The following KCNQ1 variants were observed in gnomAD, a reference collection of about 807,000 sequenced individuals.
KCNQ1 encodes the protein potassium voltage-gated channel subfamily KQT member 1.
A neutral mutation model predicts 72.4 loss-of-function variants in KCNQ1; 49 were observed. That is an observed-to-expected ratio of 0.68 (90% CI 0.54 to 0.86). The LOEUF (loss-of-function observed/expected upper bound fraction) is 0.86, where lower values mean the gene tolerates loss of function less well. Ranked by LOEUF, KCNQ1 falls within the 40% of genes least tolerant of loss-of-function variation. The probability of loss-of-function intolerance (pLI) is 0.00; values close to 1 mark genes in which losing one functional copy is unlikely to be tolerated. For synonymous variants in KCNQ1, 450 were observed against 412.6 expected (o/e 1.09, Z -1.10); for missense variants, 790 against 945.1 (o/e 0.84, Z 2.15).
chr11:2,505,433 C>A (rs59732535), intron 1 of KCNQ1, among the ~76,000 whole-genome samples: 24,748 of 152,088 alleles, frequency 0.16, 3,557 homozygotes, highest in African/African-American at 0.37. Flanking sequence ...ACTTGGGATG[C>A]ACATGCATGC....
intron 11 of KCNQ1, among the ~76,000 whole-genome samples, chr11:2,749,708 G>C (rs555640711): frequency 2.0e-4 from 31 of 151,920 alleles, no homozygotes; most frequent in Admixed American, 2.0e-3. Context: ...AGCTACTCAG[G>C]AGGCTGAGGC....
At chr11:2,534,086 C>T (rs761516561) in intron 2 of KCNQ1, among the ~76,000 whole-genome samples, 17 of 152,132 alleles carry the variant, frequency 1.1e-4, no homozygotes, top group Non-Finnish European at 1.6e-4. Context: ...CAGCACACAG[C>T]GAGGCCTCAG....
At chr11:2,718,775 T>C (rs1851146499) in intron 11 of KCNQ1, among the ~76,000 whole-genome samples, 1 of 152,224 alleles carries the variant, frequency 6.6e-6, no homozygotes, top group African/African-American at 2.4e-5. Context: ...TGGACCCTGC[T>C]GTGCCAGGCA....
rs756311494 is a variant in KCNQ1 at position 2,847,928 on chromosome 11, C to T, written c.1956C>T (p.Leu652=). ...CGSGGSVDPE[L]FLPSNTLPTY... Reference sequence around the variant, plus strand: ...GTGGCGGCTCCGTCGACCCTGAGCTCTTCCTGCCCAGCAACACCCTGCCCA... The same window carrying T: ...GTGGCGGCTCCGTCGACCCTGAGCTTTTCCTGCCCAGCAACACCCTGCCCA... The change falls in exon 16 of 16, where the codon CTC becomes CTT. Residue 652 remains leucine, a synonymous_variant. Transcript: ENST00000155840. The T allele has an allele frequency of 7.0e-6, 11 of 1,575,570 alleles. No individual in the cohort carries two copies. In the South Asian group the frequency reaches 1.3e-4, roughly 18 times the overall value.
At position 2,647,866 on chromosome 11, in the gene KCNQ1, T is replaced by C. The variant is rs911406143; in HGVS notation, c.1394-14095T>C. On this transcript the variant is annotated intron_variant, in intron 10 of 15. Transcript: ENST00000155840. This position sits in a 1 kb window ranked among gnomAD's most constrained non-coding sequence, Gnocchi z 4.0. Reference sequence around the variant, plus strand: ...CCTTTTTCATTTCTGATTTTATTTATTGGGTCTTCTTGGTTAGTCTAGCTA... The same window carrying C: ...CCTTTTTCATTTCTGATTTTATTTACTGGGTCTTCTTGGTTAGTCTAGCTA... The C allele has an allele frequency of 2.5e-6, 1 of 398,448 alleles. No homozygotes were observed. Among genetic ancestry groups the C allele is most frequent in the African/African-American group, 2.1e-5 (1 of 48,610 alleles). 24.7% of individuals were successfully genotyped at this position (398,448 alleles called of 1,614,324 possible). A position where few individuals can be genotyped will look rare whatever the true frequency, so the allele number is the denominator to read the frequency against.
intron 15 of KCNQ1, among the ~76,000 whole-genome samples, chr11:2,800,581 G>A (rs540039876): frequency 7.4e-4 from 113 of 152,358 alleles, no homozygotes; most frequent in South Asian, 5.2e-3. Context: ...TTGAGGTGGC[G>A]TTTACAGAAC....
rs1847450082 is a variant in KCNQ1, at chr11:2,809,739, G to C, written c.1794+31702G>C. Among the ~76,000 whole-genome samples the C allele has an allele frequency of 6.6e-6, 1 of 152,148 alleles. No homozygotes were observed. Among genetic ancestry groups the C allele is most frequent in the Admixed American group, 6.5e-5 (1 of 15,272 alleles). On this transcript the variant is annotated intron_variant, in intron 15 of 15. Coordinates refer to ENST00000155840, the MANE Select transcript of KCNQ1 (RefSeq NM_000218.3). This position sits in a 1 kb window ranked among gnomAD's most constrained non-coding sequence, Gnocchi z 7.1. ...CACGTGCTCAACACTCCAGGCCAGA[G>C]CCCTTCTCTCAAATCCCCTTTGGTT...
chr11:2,703,819 C>T lies in KCNQ1; in HGVS notation c.1514+41738C>T, dbSNP rs768371154. On this transcript the variant is annotated intron_variant, in intron 11 of 15. Transcript: ENST00000155840. This position sits in a 1 kb window ranked among gnomAD's most constrained non-coding sequence, Gnocchi z 6.4. ...TCTCTCCCTACCCTGCCCCCACCCT[C>T]GGAGTCTAAGGGTGGAACCATCTTC... Among the ~76,000 whole-genome samples, 3 of 152,200 alleles carry T rather than the reference C, an allele frequency of 2.0e-5. No homozygotes were observed. The highest frequency in any genetic ancestry group is 7.2e-5 in the African/African-American group (3 of 41,462).
chr11:2,465,287 C>G (rs1466448808), intron 1 of KCNQ1, among the ~76,000 whole-genome samples: 1 of 152,222 alleles, frequency 6.6e-6, no homozygotes. Context: ...TTCTCCAAGG[C>G]CTGCCAGGCT....
chr11:2,523,962 G>A (rs1427976094), intron 1 of KCNQ1, among the ~76,000 whole-genome samples: 1 of 152,066 alleles, frequency 6.6e-6, no homozygotes, highest in African/African-American at 2.4e-5. Context: ...CGCAGACATG[G>A]CTGTCGCTTG....
At position 2,611,261 on chromosome 11, in the gene KCNQ1, C is replaced by G; in HGVS notation, c.1393+22407C>G. The stretch of plus-strand genomic sequence containing the variant: ...TTGGGATGGAGTCTCACTCTGTTGC[C>G]CAGGCTGGAGTGCAGTGGCGTGACC... On this transcript the variant is annotated intron_variant, in intron 10 of 15. Transcript: ENST00000155840. This position sits in a 1 kb window ranked among gnomAD's most constrained non-coding sequence, Gnocchi z 5.3. 1 of 397,468 alleles carries G rather than the reference C, an allele frequency of 2.5e-6. No individual in the cohort carries two copies. The allele number at this position is 397,468 out of a possible 1,614,324, so 24.6% of individuals were successfully genotyped here. A position where few individuals can be genotyped will look rare whatever the true frequency, so the allele number is the denominator to read the frequency against.
At chr11:2,531,070 A>T (rs1344094035) in intron 2 of KCNQ1, among the ~76,000 whole-genome samples, 1 of 152,110 alleles carries the variant, frequency 6.6e-6, no homozygotes, top group Admixed American at 6.5e-5. Flanking sequence ...CACAGCGTCC[A>T]AGTTCAGGTC....
At chr11:2,702,897 T>A (rs953877674) in intron 11 of KCNQ1, among the ~76,000 whole-genome samples, 1 of 152,252 alleles carries the variant, frequency 6.6e-6, no homozygotes, top group Non-Finnish European at 1.5e-5. Context: ...ACACACGGGG[T>A]GCCGTCAATC....
intron 11 of KCNQ1, among the ~76,000 whole-genome samples, chr11:2,700,933 C>G (rs1291585796): frequency 6.6e-6 from 1 of 152,266 alleles, no homozygotes; most frequent in Non-Finnish European, 1.5e-5. Flanking sequence ...TAGAAGTTCA[C>G]ACCCTGAGGC....
chr11:2,833,290 G>A (rs2134071278), intron 15 of KCNQ1, among the ~76,000 whole-genome samples: 1 of 152,280 alleles, frequency 6.6e-6, no homozygotes, highest in Admixed American at 6.5e-5. Context: ...TGGACACAAT[G>A]GCAGAGTCAG....
chr11:2,648,772 A>G, intron 10 of KCNQ1: 1 of 398,488 alleles, frequency 2.5e-6, no homozygotes. Context: ...ATATTTTTCC[A>G]TCCAAATGAA....
chr11:2,693,742 A>G (rs1850627816), intron 11 of KCNQ1: 2 of 398,584 alleles, frequency 5.0e-6, no homozygotes, highest in South Asian at 2.5e-4. Flanking sequence ...CCTGGGTTAT[A>G]CAGGCTCCTG....
intron 15 of KCNQ1, among the ~76,000 whole-genome samples, chr11:2,829,818 C>G (rs1256303918): frequency 6.6e-6 from 1 of 151,890 alleles, no homozygotes. Context: ...GAAGATCTAG[C>G]GCCCAGGGAA....
rs180761955 is a variant in KCNQ1 at position 2,601,725 on chromosome 11, C to T, written c.1393+12871C>T. ...TCGGCATCATTCTCTGGATTCATTC[C>T]GGTTGTTTTGTATCGCGACAGTTCA... On this transcript the variant is annotated intron_variant, in intron 10 of 15. Transcript: ENST00000155840. The surrounding 1 kb of genome is among the most constrained non-coding windows in gnomAD (Gnocchi z 5.2). Among the ~76,000 whole-genome samples the T allele has an allele frequency of 2.0e-5, 3 of 152,294 alleles. No individual in the cohort carries two copies. The highest frequency in any genetic ancestry group is 1.3e-4 in the Admixed American group (2 of 15,294).
Sources: gnomAD v4.1 joint callset for allele counts (sites outside exome capture counted in the v4.1 genomes callset) on GRCh38, gnomAD v4.1.1 for gene constraint, Gnocchi (gnomAD v3.1) non-coding constraint, MANE v1.5 for transcripts, NCBI Gene and HGNC (gene_info 2026-07-23, HGNC 2026-07-21) for gene names.